PRDM11: variants seen among roughly 807,000 people sequenced by gnomAD.
The protein encoded by PRDM11 is PR/SET domain 11, also known as PR domain-containing protein 11.
PRDM11 carries 20 observed loss-of-function variants against 97.8 expected under a neutral mutation model. The ratio of observed to expected loss-of-function variants is 0.20; its 90% confidence interval spans 0.14 to 0.30. PRDM11 has a LOEUF of 0.30. PRDM11 is among the 10% of genes least tolerant of loss of function. PRDM11 has a pLI of 1.00. For synonymous variants in PRDM11, 599 were observed against 637.7 expected (o/e 0.94, Z 0.91); for missense variants, 1,139 against 1,555.2 (o/e 0.73, Z 4.50).
In PRDM11 at chr11:45,192,911, T is replaced by G. The variant is rs182731947; in HGVS notation, c.486+9788T>G. On this transcript the variant is annotated intron_variant, in intron 4 of 7. Coordinates refer to ENST00000683152, the MANE Select transcript of PRDM11 (RefSeq NM_001384648.1). Reference sequence around the variant, plus strand: ...CATTCTAATGGGATAGTTGATGATGTGTCACTGAAACAAAATTGCTATTTA... The same window carrying G: ...CATTCTAATGGGATAGTTGATGATGGGTCACTGAAACAAAATTGCTATTTA... Among the ~76,000 whole-genome samples, 4 of 152,358 alleles carry G rather than the reference T, an allele frequency of 2.6e-5. No homozygotes were observed. The East Asian group carries it at 7.7e-4, about 29-fold the overall frequency.
chr11:45,217,332 A>G (rs1297426270), intron 5 of PRDM11, among the ~76,000 whole-genome samples: 1 of 152,142 alleles, frequency 6.6e-6, no homozygotes, highest in African/African-American at 2.4e-5. Context: ...CTTTGTTAAT[A>G]ACATCCTGGC....
chr11:45,182,443 T>C, intron 3 of PRDM11, 94 bp downstream of exon 3: 1 of 1,140,488 alleles, frequency 8.8e-7, no homozygotes, highest in Non-Finnish European at 1.3e-6. Context: ...CTAAGATAGG[T>C]CCTCACCTGC....
chr11:45,176,008 G>A (rs1852318915), intron 1 of PRDM11, among the ~76,000 whole-genome samples: 1 of 151,768 alleles, frequency 6.6e-6, no homozygotes, highest in African/African-American at 2.4e-5. Flanking sequence ...TTTCTATTGA[G>A]GTAAGCATCT....
At chr11:45,128,108 T>C (rs1852623926) in intron 1 of PRDM11, among the ~76,000 whole-genome samples, 1 of 152,220 alleles carries the variant, frequency 6.6e-6, no homozygotes, top group African/African-American at 2.4e-5. Context: ...ACTGCTGTGC[T>C]AGCAATCAGT....
chr11:45,133,976 C>T (rs1387956737), intron 1 of PRDM11, among the ~76,000 whole-genome samples: 1 of 152,204 alleles, frequency 6.6e-6, no homozygotes, highest in Non-Finnish European at 1.5e-5. Context: ...AGGGCAATCT[C>T]TCTGCCAGCC....
intron 1 of PRDM11, among the ~76,000 whole-genome samples, chr11:45,130,173 T>G (rs1371856155): frequency 2.6e-5 from 4 of 152,056 alleles, no homozygotes; most frequent in Admixed American, 2.0e-4. Context: ...ACAATAAAGC[T>G]TCCAAAAGAA....
intron 4 of PRDM11, among the ~76,000 whole-genome samples, chr11:45,198,066 T>C (rs1051449019): frequency 6.6e-6 from 1 of 152,202 alleles, no homozygotes; most frequent in African/African-American, 2.4e-5. Flanking sequence ...GAAGTTCTCA[T>C]TTCCTTATCA....
rs898304984 is a variant in PRDM11 at position 45,226,254 on chromosome 11, G to A, written c.1629G>A (p.Ser543=). The part of the protein sequence containing the change: ...RQYTVQSSRT[S]AFIIGSKQFK... ...ACACGGTGCAGTCCTCACGCACCTC[G>A]GCCTTCATCATTGGCTCCAAGCAGT... Residue 543 remains serine, a synonymous_variant, in exon 8 of 8, where the codon TCG becomes TCA. Coordinates refer to ENST00000683152, the MANE Select transcript of PRDM11 (RefSeq NM_001384648.1). 12 of 1,533,840 alleles carry A rather than the reference G, an allele frequency of 7.8e-6. No homozygotes were observed. The highest frequency in any genetic ancestry group is 4.1e-5 in the African/African-American group (3 of 72,976).
intron 1 of PRDM11, among the ~76,000 whole-genome samples, chr11:45,122,544 T>C (rs1431693439): frequency 7.1e-6 from 1 of 141,336 alleles, no homozygotes; most frequent in Non-Finnish European, 1.5e-5. Flanking sequence ...CCTGTGTCCA[T>C]GTGTTCTCAT....
intron 1 of PRDM11, among the ~76,000 whole-genome samples, chr11:45,178,504 C>G (rs1852385645): frequency 6.6e-6 from 1 of 152,218 alleles, no homozygotes; most frequent in Admixed American, 6.5e-5. Flanking sequence ...ACCTGCTCTG[C>G]CTGGCGGAGA....
chr11:45,181,027 C>T (rs1275179883), intron 1 of PRDM11, among the ~76,000 whole-genome samples: 3 of 152,210 alleles, frequency 2.0e-5, no homozygotes, highest in African/African-American at 7.2e-5. Context: ...TCACACACGC[C>T]GCTCGCCCAG....
intron 1 of PRDM11, among the ~76,000 whole-genome samples, chr11:45,100,100 G>C (rs1447525429): frequency 6.6e-6 from 1 of 152,186 alleles, no homozygotes; most frequent in Non-Finnish European, 1.5e-5. Context: ...GATTCTGAAT[G>C]CATCAACACA....
chr11:45,177,317 G>A (rs1178240378), intron 1 of PRDM11, among the ~76,000 whole-genome samples: 2 of 152,236 alleles, frequency 1.3e-5, no homozygotes, highest in African/African-American at 4.8e-5. Flanking sequence ...CTGAGAGGGA[G>A]CATTGCCAGC....
chr11:45,109,430 T>G (rs899959871), intron 1 of PRDM11, among the ~76,000 whole-genome samples: 1 of 152,184 alleles, frequency 6.6e-6, no homozygotes, highest in African/African-American at 2.4e-5. Flanking sequence ...CAGAAATTCC[T>G]CATGTTGCCC....
At chr11:45,151,865 G>A (rs996177734) in intron 1 of PRDM11, among the ~76,000 whole-genome samples, 1 of 152,134 alleles carries the variant, frequency 6.6e-6, no homozygotes, top group African/African-American at 2.4e-5. Context: ...GTTCATTCGG[G>A]TAGAGAGTAA....
intron 1 of PRDM11, among the ~76,000 whole-genome samples, chr11:45,180,595 C>T (rs984888029): frequency 6.6e-6 from 1 of 151,442 alleles, no homozygotes; most frequent in South Asian, 2.1e-4. Flanking sequence ...GCCCCCCTCC[C>T]GGCCGCCAGC....
chr11:45,211,344 G>A (rs2135816495), intron 5 of PRDM11, among the ~76,000 whole-genome samples: 1 of 152,282 alleles, frequency 6.6e-6, no homozygotes, highest in South Asian at 2.1e-4. Context: ...CCTGGGGGGT[G>A]GTTCTGAGTT....
chr11:45,210,326 A>C (rs938485739), intron 5 of PRDM11, among the ~76,000 whole-genome samples: 3 of 151,708 alleles, frequency 2.0e-5, no homozygotes, highest in Non-Finnish European at 4.4e-5. Context: ...CCTGTGTCTC[A>C]CATGCACTTT....
At chr11:45,162,867 C>G (rs1341618974) in intron 1 of PRDM11, among the ~76,000 whole-genome samples, 1 of 152,206 alleles carries the variant, frequency 6.6e-6, no homozygotes, top group Non-Finnish European at 1.5e-5. Context: ...AATAAATAAT[C>G]TCTGAATGAA....
Sources: allele counts gnomAD v4.1 joint callset (sites outside exome capture counted in the v4.1 genomes callset), GRCh38; gene constraint gnomAD v4.1.1; transcripts MANE v1.5; gene names NCBI Gene and HGNC (gene_info 2026-07-23, HGNC 2026-07-21).